CCDC6: variants seen among roughly 807,000 people sequenced by gnomAD.
CCDC6 encodes coiled-coil domain-containing protein 6.
CCDC6 carries 20 observed loss-of-function variants against 56.6 expected under a neutral mutation model. The ratio of observed to expected loss-of-function variants is 0.35; its 90% confidence interval spans 0.25 to 0.51. The LOEUF (loss-of-function observed/expected upper bound fraction) is 0.51. Ranked by LOEUF, CCDC6 falls within the 20% of genes least tolerant of loss-of-function variation. The probability of loss-of-function intolerance (pLI) is 0.95; values close to 1 mark genes in which losing one functional copy is unlikely to be tolerated. For synonymous variants in CCDC6, 241 were observed against 234.4 expected (o/e 1.03, Z -0.26); for missense variants, 367 against 601.1 (o/e 0.61, Z 4.07).
intron 1 of CCDC6, among the ~76,000 whole-genome samples, chr10:59,881,633 T>C (rs1039573466): frequency 6.6e-6 from 1 of 152,176 alleles, no homozygotes; most frequent in African/African-American, 2.4e-5. Context: ...AAAAGTCCAA[T>C]ATTCAAATGA....
intron 2 of CCDC6, among the ~76,000 whole-genome samples, chr10:59,846,888 T>C (rs2070996606): frequency 6.6e-6 from 1 of 152,246 alleles, no homozygotes; most frequent in Non-Finnish European, 1.5e-5. Context: ...AAGCTGAGTG[T>C]GCTCCCAAAG....
chr10:59,852,401 C>T (rs17791484), intron 2 of CCDC6, 152 bp downstream of exon 2: 132,030 of 563,312 alleles, frequency 0.23, 17,938 homozygotes, highest in Middle Eastern at 0.3. Flanking sequence ...ACTATTACAC[C>T]GCTGCCACCC....
At chr10:59,829,510 G>A (rs931019101) in intron 3 of CCDC6, among the ~76,000 whole-genome samples, 2 of 152,096 alleles carry the variant, frequency 1.3e-5, no homozygotes, top group African/African-American at 4.8e-5. Flanking sequence ...CTAAAAGATG[G>A]AAACAACCTA....
At chr10:59,874,118 A>AACACACACACACACACACACAC (rs55812153) in intron 1 of CCDC6, among the ~76,000 whole-genome samples, 1 of 148,578 alleles carries the variant, frequency 6.7e-6, no homozygotes, top group Non-Finnish European at 1.5e-5. Context: ...TTACCTAGCA[A>AACACACACACACACACACACAC]ACACACACAC....
At chr10:59,840,236 G>A (rs2070925905) in intron 2 of CCDC6, among the ~76,000 whole-genome samples, 1 of 152,158 alleles carries the variant, frequency 6.6e-6, no homozygotes, top group Non-Finnish European at 1.5e-5. Flanking sequence ...GGGTCATAGA[G>A]AATAAGTATT....
chr10:59,832,342 G>A (rs1435016914), intron 3 of CCDC6, among the ~76,000 whole-genome samples, 183 bp downstream of exon 3: 1 of 152,188 alleles, frequency 6.6e-6, no homozygotes, highest in African/African-American at 2.4e-5. Context: ...AAGAGAAAAT[G>A]TGTGAGAGAA....
chr10:59,859,467 C>T (rs1235762449), intron 1 of CCDC6, among the ~76,000 whole-genome samples: 1 of 152,070 alleles, frequency 6.6e-6, no homozygotes, highest in African/African-American at 2.4e-5. Flanking sequence ...CAGCAAGAGA[C>T]TAACACAAAA....
In CCDC6 at chr10:59,892,693, CTGTG is replaced by C. The variant is rs1200102857; in HGVS notation, c.303+13425_303+13428del. ...ACTCACACATTACCCCAAAACTTTC[CTGTG>C]TGTATCAATCTCATTTGATCTTCAT... On this transcript the variant is annotated intron_variant, in intron 1 of 8. Transcript: ENST00000263102. Among the ~76,000 whole-genome samples the C allele has an allele frequency of 1.7e-4, 4 of 23,892 alleles. No individual in the cohort carries two copies. In the South Asian group the frequency reaches 5.3e-3, roughly 32 times the overall value. The allele number at this position is 23,892 out of a possible 152,430, so 15.7% of individuals were successfully genotyped here.
chr10:59,865,286 A>G (rs571121522), intron 1 of CCDC6, among the ~76,000 whole-genome samples: 2 of 152,202 alleles, frequency 1.3e-5, no homozygotes, highest in African/African-American at 4.8e-5. Flanking sequence ...GAGAAAAGGA[A>G]GTAATCAAGC....
Position 59,794,944 on chromosome 10 carries a change from C to G in CCDC6, c.1106-347G>C, listed in dbSNP as rs146708683. ...GTGACACTGGACCTTATCTCTTACACTATATACAAAAGTCAACTCAAAATG... is the reference window on the plus strand; with the variant it reads ...GTGACACTGGACCTTATCTCTTACAGTATATACAAAAGTCAACTCAAAATG... On this transcript the variant is annotated intron_variant, in intron 7 of 8. Transcript: ENST00000263102. 2.1e-4 allele frequency among the ~76,000 whole-genome samples: 32 copies of G among 152,166 alleles called. No homozygotes were observed. In the East Asian group the frequency reaches 6.2e-3, roughly 29 times the overall value.
intron 1 of CCDC6, among the ~76,000 whole-genome samples, chr10:59,899,764 T>C (rs3793870): frequency 0.11 from 16,422 of 152,216 alleles, 1,225 homozygotes; most frequent in East Asian, 0.23. Context: ...CAGAAACACT[T>C]AGAAAGGAGA....
Position 59,812,808 on chromosome 10 carries a change from GA to G in CCDC6, c.687-14del. Reference sequence around the variant, plus strand: ...TTCCTGCAGGATTCTTCATTGAAAAGAAAAATTCCAACAATGACTAACAGTT... The same window carrying G: ...TTCCTGCAGGATTCTTCATTGAAAAGAAAATTCCAACAATGACTAACAGTT... On this transcript the variant is annotated splice_polypyrimidine_tract_variant and intron_variant, in intron 4 of 8. Coordinates refer to ENST00000263102, the MANE Select transcript of CCDC6 (RefSeq NM_005436.5). The G allele has an allele frequency of 1.3e-6, 2 of 1,573,820 alleles. No homozygotes were observed. The highest frequency in any genetic ancestry group is 2.4e-5 in the South Asian group (2 of 84,836).
At chr10:59,801,762 T>C (rs554380359) in intron 7 of CCDC6, among the ~76,000 whole-genome samples, 1 of 152,340 alleles carries the variant, frequency 6.6e-6, no homozygotes, top group African/African-American at 2.4e-5. Flanking sequence ...TATTTTATTA[T>C]ATTAAATAAT....
At chr10:59,850,646 T>C (rs1356326020) in intron 2 of CCDC6, among the ~76,000 whole-genome samples, 2 of 152,212 alleles carry the variant, frequency 1.3e-5, no homozygotes, top group Non-Finnish European at 1.5e-5. Context: ...ATTCAATCCC[T>C]TTAGAAAGAT....
intron 2 of CCDC6, among the ~76,000 whole-genome samples, chr10:59,845,346 GTTTTTTTTT>G (rs151236986): frequency 1.0e-5 from 1 of 96,960 alleles, no homozygotes; most frequent in Non-Finnish European, 1.9e-5. Flanking sequence ...GCCCCTATGG[GTTTTTTTTT>G]TTTTTTTTTT....
In CCDC6 at chr10:59,790,964, T is replaced by C. The variant is rs1208663189; in HGVS notation, c.*1953A>G. 4 of 202,310 alleles carry C rather than the reference T, an allele frequency of 2.0e-5. No homozygotes were observed. Among genetic ancestry groups the C allele is most frequent in the African/African-American group, 9.2e-5 (4 of 43,618 alleles). 12.5% of individuals were successfully genotyped at this position (202,310 alleles called of 1,614,324 possible). ...CTCATAAAAGATTCTTATAAACATA[T>C]ACCATATTTCTCCTATAAGAAAAAC... On this transcript the variant is annotated 3_prime_UTR_variant, in exon 9 of 9. Transcript: ENST00000263102.
chr10:59,844,988 AAAGT>A (rs2070979046), intron 2 of CCDC6, among the ~76,000 whole-genome samples: 1 of 152,238 alleles, frequency 6.6e-6, no homozygotes, highest in Non-Finnish European at 1.5e-5. Flanking sequence ...TCCGTATTTT[AAAGT>A]AATTACTGAC....
At chr10:59,825,278 TAA>T (rs1564742670) in intron 3 of CCDC6, among the ~76,000 whole-genome samples, 1 of 152,222 alleles carries the variant, frequency 6.6e-6, no homozygotes, top group Non-Finnish European at 1.5e-5. Flanking sequence ...TGGTAGTGAA[TAA>T]GTCTCACGAG....
At chr10:59,864,277 C>G (rs1022855259) in intron 1 of CCDC6, among the ~76,000 whole-genome samples, 1 of 152,210 alleles carries the variant, frequency 6.6e-6, no homozygotes, top group Non-Finnish European at 1.5e-5. Flanking sequence ...TTATCACCTA[C>G]TGCTACACTT....
Sources: allele counts gnomAD v4.1 joint callset (sites outside exome capture counted in the v4.1 genomes callset), GRCh38; gene constraint gnomAD v4.1.1; transcripts MANE v1.5; gene names NCBI Gene and HGNC (gene_info 2026-07-23, HGNC 2026-07-21).